DHX29: variants seen among roughly 807,000 people sequenced by gnomAD.
The protein encoded by DHX29 is ATP-dependent RNA helicase DHX29.
Under a neutral mutation model 167.9 loss-of-function variants are expected in DHX29, and 79 were observed. The ratio of observed to expected loss-of-function variants is 0.47; its 90% CI spans 0.39 to 0.57. The LOEUF (loss-of-function observed/expected upper bound fraction) is 0.57, where lower values mean the gene tolerates loss of function less well. Ranked by LOEUF, DHX29 falls within the 20% of genes least tolerant of loss-of-function variation. The probability of loss-of-function intolerance (pLI) is 0.00; values close to 1 mark genes in which losing one functional copy is unlikely to be tolerated. For missense variants in DHX29, 1,347 were observed against 1,593.4 expected (o/e 0.85, Z 2.63); for synonymous variants, 530 against 546.0 (o/e 0.97, Z 0.41).
chr5:55,268,517 G>C (rs182842240), intron 21 of DHX29, among the ~76,000 whole-genome samples: 1 of 152,096 alleles, frequency 6.6e-6, no homozygotes, highest in African/African-American at 2.4e-5. Context: ...CTCCTACTCC[G>C]GGGCTCTAGC....
At chr5:55,278,210 C>T (rs1747222092) in intron 12 of DHX29, among the ~76,000 whole-genome samples, 1 of 152,158 alleles carries the variant, frequency 6.6e-6, no homozygotes, top group South Asian at 2.1e-4. Context: ...ACTTTCTGTA[C>T]TGTGACTTAT....
At chr5:55,268,097 G>A (rs879667576) in intron 21 of DHX29, among the ~76,000 whole-genome samples, 13 of 151,984 alleles carry the variant, frequency 8.6e-5, no homozygotes, top group Non-Finnish European at 1.6e-4. Context: ...TGTGAGGTAA[G>A]GAGGCAATTA....
At chr5:55,288,063 C>T (rs1248337147) in intron 8 of DHX29, among the ~76,000 whole-genome samples, 1 of 151,108 alleles carries the variant, frequency 6.6e-6, no homozygotes, top group East Asian at 1.9e-4. Context: ...GTCAACATGG[C>T]GAAACCCCAT....
chr5:55,296,167 CAA>C, intron 4 of DHX29, 51 bp downstream of exon 4: 21 of 1,542,608 alleles, frequency 1.4e-5, no homozygotes, highest in Non-Finnish European at 1.8e-5. Context: ...ATACAAATAC[CAA>C]AACTACTTCA....
Position 55,269,565 on chromosome 5 carries a change from T to C in DHX29, c.3142A>G (p.Asn1048Asp). The C allele has an allele frequency of 6.2e-7, 1 of 1,614,170 alleles. No individual in the cohort carries two copies. Among genetic ancestry groups the C allele is most frequent in the Non-Finnish European group, 8.5e-7 (1 of 1,180,030 alleles). The change falls in exon 21 of 27, where the codon AAT becomes GAT. Residue 1048 changes from asparagine (N) to aspartate (D), a missense_variant. Physicochemically the swap from Asn to Asp is conservative, Grantham distance 23 (BLOSUM62 1). Around this residue, in one of 3 missense-constraint regions of DHX29, gnomAD observed 882 missense variants for 1,082.4 expected, o/e 0.81. Transcript: ENST00000251636. ...LDPPQLQVIS[N>D]AMNLLRKIGA... Reference sequence around the variant, plus strand: ...ATTTTTCGGAGCAAATTCATTGCATTGCTGATCACTTGGAGCTGAGGAGGA... The same window carrying C: ...ATTTTTCGGAGCAAATTCATTGCATCGCTGATCACTTGGAGCTGAGGAGGA...
chr5:55,271,929 T>G (rs113721285), intron 18 of DHX29, among the ~76,000 whole-genome samples, 158 bp downstream of exon 18: 67 of 152,322 alleles, frequency 4.4e-4, no homozygotes, highest in African/African-American at 1.5e-3. Context: ...CTCTCAGATA[T>G]TTTAAAGTTT....
At chr5:55,277,674 C>T (rs756158568) in intron 12 of DHX29, among the ~76,000 whole-genome samples, 1 of 151,974 alleles carries the variant, frequency 6.6e-6, no homozygotes, top group African/African-American at 2.4e-5. Flanking sequence ...AGGAGGCCGA[C>T]GCGGGCGGAT....
chr5:55,259,995 A>G (rs775172581), intron 25 of DHX29, 51 bp from the exon 26 acceptor site: 1 of 1,085,736 alleles, frequency 9.2e-7, no homozygotes, highest in Non-Finnish European at 1.4e-6. Flanking sequence ...GGCAGTGTGA[A>G]TGTGTTTAAG....
chr5:55,266,548 A>AT (rs563215075), intron 23 of DHX29, among the ~76,000 whole-genome samples: 2,412 of 138,022 alleles, frequency 0.017, 51 homozygotes, highest in African/African-American at 0.056. Flanking sequence ...ACCTCAGGTG[A>AT]TTTTTTTTTT....
chr5:55,294,258 G>T, intron 5 of DHX29, 113 bp from the exon 6 acceptor site: 1 of 1,079,986 alleles, frequency 9.3e-7, no homozygotes, highest in Non-Finnish European at 1.3e-6. Context: ...CATATAAGCT[G>T]TTATTCCTTA....
intron 18 of DHX29, 21 bp from the exon 19 acceptor site, chr5:55,270,727 A>G (rs944387934): frequency 1.9e-6 from 3 of 1,589,136 alleles, no homozygotes; most frequent in African/African-American, 2.7e-5. Flanking sequence ...GTTTTAGGAG[A>G]GAATATGTAG....
chr5:55,302,624 T>C (rs1269612618), intron 1 of DHX29, among the ~76,000 whole-genome samples: 2 of 152,018 alleles, frequency 1.3e-5, no homozygotes, highest in Non-Finnish European at 2.9e-5. Flanking sequence ...TGGTTGGTTT[T>C]TAATTTACCC....
intron 23 of DHX29, 45 bp downstream of exon 23, chr5:55,267,091 TTA>T (rs1746613437): frequency 7.8e-7 from 1 of 1,282,368 alleles, no homozygotes; most frequent in Admixed American, 2.0e-5. Flanking sequence ...GAATAACTTA[TTA>T]TAGTTACCCA....
At chr5:55,305,344 T>C (rs1293290126) in intron 1 of DHX29, among the ~76,000 whole-genome samples, 2 of 152,160 alleles carry the variant, frequency 1.3e-5, no homozygotes, top group Non-Finnish European at 2.9e-5. Flanking sequence ...AAGAAAAACA[T>C]GGCAAGAATA....
chr5:55,298,845 A>G (rs1169349628), intron 1 of DHX29, among the ~76,000 whole-genome samples, 181 bp from the exon 2 acceptor site: 3 of 151,064 alleles, frequency 2.0e-5, no homozygotes, highest in Non-Finnish European at 4.4e-5. Context: ...CCTGGCTAAC[A>G]AGGTGAAACC....
intron 12 of DHX29, among the ~76,000 whole-genome samples, chr5:55,277,897 C>A (rs1478593531): frequency 1.5e-5 from 2 of 129,342 alleles, no homozygotes; most frequent in East Asian, 2.3e-4. Flanking sequence ...CAGAGTAAGA[C>A]TCTATCTCAA....
intron 24 of DHX29, among the ~76,000 whole-genome samples, chr5:55,261,736 G>A (rs543755071): frequency 1.3e-5 from 2 of 152,180 alleles, no homozygotes; most frequent in East Asian, 3.9e-4. Context: ...TGCTAAGGCT[G>A]AGTTATATAC....
chr5:55,289,479 TA>T (rs761153337), intron 7 of DHX29, 51 bp from the exon 8 acceptor site: 1 of 1,369,562 alleles, frequency 7.3e-7, no homozygotes, highest in South Asian at 1.6e-5. Context: ...AAAAAATTGT[TA>T]TTTTTTATTT....
intron 5 of DHX29, among the ~76,000 whole-genome samples, chr5:55,294,669 ACT>A (rs1194381605): frequency 6.6e-6 from 1 of 152,176 alleles, no homozygotes; most frequent in Non-Finnish European, 1.5e-5. Context: ...ACAGAGCAAG[ACT>A]CTGTCTCAAA....
Sources: gnomAD v4.1 joint callset for allele counts (sites outside exome capture counted in the v4.1 genomes callset) on GRCh38, gnomAD v4.1.1 for gene constraint, gnomAD v4.1.1 regional missense constraint, MANE v1.5 for transcripts, NCBI Gene and HGNC (gene_info 2026-07-23, HGNC 2026-07-21) for gene names.